Variants in KANSL1 observed in about 807,000 individuals in gnomAD.
KANSL1 encodes MLL1/MLL complex subunit KANSL1.
In KANSL1, 22 loss-of-function variants were observed where a neutral mutation model predicts 103.6. The ratio of observed to expected loss-of-function variants is 0.21; its 90% CI spans 0.15 to 0.30. The LOEUF (loss-of-function observed/expected upper bound fraction) is 0.30, where lower values mean the gene tolerates loss of function less well. Ranked by LOEUF, KANSL1 falls within the 10% of genes least tolerant of loss-of-function variation. The pLI, the probability that KANSL1 is intolerant of heterozygous loss-of-function variation, is 1.00. For missense variants in KANSL1, 1,337 were observed against 1,399.8 expected, an observed-to-expected ratio of 0.96 and a Z score of 0.72; for synonymous variants, 600 against 527.6, an observed-to-expected ratio of 1.14 and a Z score of -1.88.
chr17:46,060,195 CAA>C (rs1365899604), intron 6 of KANSL1, among the ~76,000 whole-genome samples: 2 of 152,124 alleles, frequency 1.3e-5, no homozygotes, highest in African/African-American at 4.8e-5. Context: ...CATATTCGTC[CAA>C]AACACTAAAA....
chr17:46,045,440 A>AAAAAAAAAAAATATATAT (rs950085495), intron 7 of KANSL1: 1 of 144,860 alleles, frequency 6.9e-6, no homozygotes, highest in African/African-American at 2.5e-5. Context: ...TACATGTAAA[A>AAAAAAAAAAAATATATAT]ATATATATAT....
At chr17:46,177,134 A>G (rs1307933886) in intron 1 of KANSL1, among the ~76,000 whole-genome samples, 1 of 152,240 alleles carries the variant, frequency 6.6e-6, no homozygotes, top group Non-Finnish European at 1.5e-5. Context: ...TTACTTAACT[A>G]TTCTGTTCTT....
At chr17:46,132,129 A>G (rs1471668171) in intron 2 of KANSL1, among the ~76,000 whole-genome samples, 3 of 149,732 alleles carry the variant, frequency 2.0e-5, no homozygotes, top group Non-Finnish European at 4.5e-5. Flanking sequence ...CTCCATCTCA[A>G]AAAAAAAAAA....
At chr17:46,106,036 C>T (rs1433073668) in intron 2 of KANSL1, among the ~76,000 whole-genome samples, 3 of 152,168 alleles carry the variant, frequency 2.0e-5, no homozygotes, top group Admixed American at 6.5e-5. Context: ...CCACATATTC[C>T]ACAGGGAGAA....
chr17:46,105,940 CA>C (rs1567680808), intron 2 of KANSL1, among the ~76,000 whole-genome samples: 3 of 71,268 alleles, frequency 4.2e-5, no homozygotes, highest in East Asian at 2.7e-4. Context: ...CACACACACA[CA>C]CACACACCCC....
rs62062325 is a variant in KANSL1, at chr17:46,036,998, C to T, written c.2541+1540G>A. On this transcript the variant is annotated intron_variant, in intron 10 of 14. Coordinates refer to ENST00000432791, the MANE Select transcript of KANSL1 (RefSeq NM_015443.4). ...CCCAAGTGCTGGGATTATAGGTGAG[C>T]GCCACTGTGCCTGGCCTATCTTCTT... is the stretch of plus-strand genomic sequence containing the variant. Among the ~76,000 whole-genome samples, 7 of 152,174 alleles carry T rather than the reference C, an allele frequency of 4.6e-5. No homozygotes were observed. In the South Asian group the frequency reaches 8.3e-4, roughly 18 times the overall value.
Position 46,074,327 on chromosome 17 carries a change from T to C in KANSL1, c.1534-6660A>G, listed in dbSNP as rs529263486. Among the ~76,000 whole-genome samples, 4 of 152,176 alleles carry C rather than the reference T, an allele frequency of 2.6e-5. No homozygotes were observed. The South Asian group carries it at 8.3e-4, about 32-fold the overall frequency. The stretch of plus-strand genomic sequence containing the variant: ...ATCCATTAAATAAAATAAATATCCA[T>C]GGGACCATCCTGATATTCACAACTG... On this transcript the variant is annotated intron_variant, in intron 4 of 14. Transcript: ENST00000432791.
chr17:46,219,613 T>C (rs1259960456), intron 1 of KANSL1, among the ~76,000 whole-genome samples: 9 of 152,252 alleles, frequency 5.9e-5, no homozygotes, highest in Non-Finnish European at 1.2e-4. Flanking sequence ...GCGATCTGCC[T>C]GTTCAGCCTC....
At chr17:46,103,338 A>G (rs2042398650) in intron 2 of KANSL1, among the ~76,000 whole-genome samples, 1 of 152,180 alleles carries the variant, frequency 6.6e-6, no homozygotes, top group Non-Finnish European at 1.5e-5. Context: ...CTCATCTATA[A>G]CATCTATCTC....
At chr17:46,099,088 C>A (rs1416908669) in intron 2 of KANSL1, among the ~76,000 whole-genome samples, 6 of 113,060 alleles carry the variant, frequency 5.3e-5, no homozygotes, top group Non-Finnish European at 1.2e-4. Context: ...CTTTGGGAGG[C>A]CGAGGCAGGC....
At position 46,204,641 on chromosome 17, in the gene KANSL1, TA is replaced by T. The variant is rs2047906021; in HGVS notation, c.-90+19029del. On this transcript the variant is annotated intron_variant, in intron 1 of 14. Coordinates refer to the KANSL1 transcript ENST00000572904. The stretch of plus-strand genomic sequence containing the variant: ...ATTACTCTGATGCCAAAACCAGACA[TA>T]GATATCACAAGACAACTACAGACCA... Among the ~76,000 whole-genome samples, 3 of 152,230 alleles carry T rather than the reference TA, an allele frequency of 2.0e-5. No individual in the cohort carries two copies. The South Asian group carries it at 6.2e-4, about 32-fold the overall frequency.
intron 2 of KANSL1, among the ~76,000 whole-genome samples, chr17:46,096,131 A>C (rs1358649088): frequency 7.1e-6 from 1 of 141,460 alleles, no homozygotes; most frequent in Non-Finnish European, 1.6e-5. Flanking sequence ...CCATCATGAT[A>C]CTGTATTTTT....
intron 2 of KANSL1, among the ~76,000 whole-genome samples, chr17:46,148,891 C>T (rs2044894375): frequency 7.1e-6 from 1 of 140,998 alleles, no homozygotes; most frequent in Non-Finnish European, 1.5e-5. Context: ...TGGCCTGTTG[C>T]TTACACTTAA....
intron 2 of KANSL1, among the ~76,000 whole-genome samples, chr17:46,155,825 T>G (rs2045394491): frequency 6.6e-6 from 1 of 152,116 alleles, no homozygotes; most frequent in Non-Finnish European, 1.5e-5. Flanking sequence ...ACCAACACTT[T>G]GGGAGGCTGA....
intron 6 of KANSL1, among the ~76,000 whole-genome samples, chr17:46,063,141 A>G (rs1247557094): frequency 4.6e-5 from 7 of 152,248 alleles, no homozygotes; most frequent in African/African-American, 1.7e-4. Flanking sequence ...TTTAAGATGC[A>G]GGTAAGGAAA....
upstream of KANSL1, chr17:46,195,991 C>G (rs1306771294): frequency 5.2e-6 from 1 of 193,178 alleles, no homozygotes; most frequent in Non-Finnish European, 1.1e-5. Flanking sequence ...CCTGTAATCC[C>G]AGCACTTTGG....
chr17:46,196,762 T>G (rs2047623943), upstream of KANSL1: 4 of 243,664 alleles, frequency 1.6e-5, no homozygotes, highest in Non-Finnish European at 3.2e-5. Context: ...TGTATCTTAC[T>G]TTATGATTAC....
chr17:46,130,130 T>C (rs2043778950), intron 2 of KANSL1, among the ~76,000 whole-genome samples: 1 of 138,832 alleles, frequency 7.2e-6, no homozygotes, highest in Non-Finnish European at 1.5e-5. Flanking sequence ...GAGGGTGCAG[T>C]GAGCTGAGAT....
chr17:46,163,632 T>G (rs550584237), intron 2 of KANSL1, among the ~76,000 whole-genome samples: 1 of 152,342 alleles, frequency 6.6e-6, no homozygotes, highest in Non-Finnish European at 1.5e-5. Flanking sequence ...TAAGATTATT[T>G]TGCAAACTGA....
Sources: gnomAD v4.1 joint callset for allele counts (sites outside exome capture counted in the v4.1 genomes callset) on GRCh38, gnomAD v4.1.1 for gene constraint, MANE v1.5 for transcripts, NCBI Gene and HGNC (gene_info 2026-07-23, HGNC 2026-07-21) for gene names.